CLCA1: variants seen among roughly 807,000 people sequenced by gnomAD.
CLCA1 encodes the protein calcium-activated chloride channel regulator 1.
CLCA1 carries 59 observed loss-of-function variants against 85.6 expected under a neutral mutation model. That is an observed-to-expected ratio of 0.69 (90% CI 0.56 to 0.86). The LOEUF is 0.86. CLCA1 is among the 40% of genes least tolerant of loss of function. The probability of loss-of-function intolerance (pLI) is 0.00; values close to 1 mark genes in which losing one functional copy is unlikely to be tolerated. For synonymous variants in CLCA1, 396 were observed against 398.3 expected, an observed-to-expected ratio of 0.99 and a Z score of 0.07; for missense variants, 1,022 against 1,101.4, an observed-to-expected ratio of 0.93 and a Z score of 1.02.
At chr1:86,469,563 C>T (rs1393115109) in intron 1 of CLCA1, among the ~76,000 whole-genome samples, 3 of 152,136 alleles carry the variant, frequency 2.0e-5, no homozygotes, top group African/African-American at 4.8e-5. Context: ...CTAAAAGGAG[C>T]CCCAGATGCA....
intron 7 of CLCA1, among the ~76,000 whole-genome samples, chr1:86,488,617 C>G (rs1000201057): frequency 2.0e-4 from 30 of 152,242 alleles, no homozygotes; most frequent in Non-Finnish European, 3.4e-4. Flanking sequence ...AATATCCCCC[C>G]AATATAATCC....
rs751206845 is a variant in CLCA1, at chr1:86,498,822, C to A, written c.2353+11C>A. On this transcript the variant is annotated intron_variant, in intron 13 of 13. Coordinates refer to ENST00000394711, the MANE Select transcript of CLCA1 (RefSeq NM_001285.4). ...ATGACCATGGAACAGGTAAGCTGAA[C>A]CTGGTGTGGACCCTGTAAAAGAGTT... The A allele has an allele frequency of 1.9e-6, 3 of 1,611,748 alleles. No homozygotes were observed. Among genetic ancestry groups the A allele is most frequent in the Non-Finnish European group, 2.5e-6 (3 of 1,178,558 alleles).
At chr1:86,477,200 C>A (rs1647697047) in intron 4 of CLCA1, among the ~76,000 whole-genome samples, 1 of 152,166 alleles carries the variant, frequency 6.6e-6, no homozygotes, top group Non-Finnish European at 1.5e-5. Context: ...AAGAGATCCT[C>A]CCACTTCGAC....
intron 1 of CLCA1, among the ~76,000 whole-genome samples, chr1:86,472,161 T>C (rs1228539758): frequency 6.6e-6 from 1 of 152,176 alleles, no homozygotes; most frequent in Non-Finnish European, 1.5e-5. Context: ...CTTCTGAACC[T>C]GTTGTTGTCT....
In CLCA1 at chr1:86,493,504, A is replaced by T. The variant is rs1164099970; in HGVS notation, c.1585A>T (p.Ile529Phe). ...CACCTGGACAATGCAGCCTCCCCAAATCCTTCTCTGGGATCCCAGTGGACA... is the reference window on the plus strand; with the variant it reads ...CACCTGGACAATGCAGCCTCCCCAATTCCTTCTCTGGGATCCCAGTGGACA... The part of the protein sequence containing the change: ...LITWTMQPPQ[I>F]LLWDPSGQKQ... The change falls in exon 10 of 14, where the codon ATC (isoleucine) becomes TTC (phenylalanine). Residue 529 changes from isoleucine to phenylalanine, a missense_variant. Transcript: ENST00000394711. 6.2e-7 allele frequency: 1 copy of T among 1,614,010 alleles called. No individual in the cohort carries two copies. Among genetic ancestry groups the T allele is most frequent in the South Asian group, 1.1e-5 (1 of 91,076 alleles).
chr1:86,495,751 C>A (rs1648267309), intron 12 of CLCA1, 76 bp downstream of exon 12: 3 of 1,303,256 alleles, frequency 2.3e-6, no homozygotes, highest in South Asian at 3.1e-5. Flanking sequence ...GCCTGTGGGG[C>A]AGAATGGTGC....
At chr1:86,493,317 CAG>C in intron 9 of CLCA1, 65 bp from the exon 10 acceptor site, 1 of 1,263,006 alleles carries the variant, frequency 7.9e-7, no homozygotes, top group Non-Finnish European at 1.1e-6. Context: ...GAGACAGGGG[CAG>C]AAGGGAAAAG....
At chr1:86,492,320 G>T (rs1054694374) in intron 9 of CLCA1, among the ~76,000 whole-genome samples, 2 of 152,184 alleles carry the variant, frequency 1.3e-5, no homozygotes, top group African/African-American at 4.8e-5. Context: ...AAATGCAAGG[G>T]CCTGCTTTGG....
intron 1 of CLCA1, 30 bp from the exon 2 acceptor site, chr1:86,473,387 T>C: frequency 6.8e-7 from 1 of 1,474,324 alleles, no homozygotes; most frequent in South Asian, 1.3e-5. Context: ...TTTCAGTCAA[T>C]TGTTACGTAT....
At chr1:86,470,593 C>T (rs532141500) in intron 1 of CLCA1, among the ~76,000 whole-genome samples, 4 of 152,152 alleles carry the variant, frequency 2.6e-5, no homozygotes, top group East Asian at 1.9e-4. Context: ...GTTTTCCTCC[C>T]GAGATACGTA....
chr1:86,485,923 G>T (rs5744366), intron 6 of CLCA1, among the ~76,000 whole-genome samples: 2,073 of 152,082 alleles, frequency 0.014, 36 homozygotes, highest in African/African-American at 0.047. Context: ...AAGGAAAGAG[G>T]TTTAATCAAC....
intron 8 of CLCA1, among the ~76,000 whole-genome samples, chr1:86,490,572 T>G (rs1036933638): frequency 6.6e-6 from 1 of 152,160 alleles, no homozygotes; most frequent in Non-Finnish European, 1.5e-5. Flanking sequence ...ATGTTTCAAA[T>G]AAGAGTAAAT....
chr1:86,491,532 C>T (rs1648134436), intron 9 of CLCA1, among the ~76,000 whole-genome samples, 161 bp downstream of exon 9: 1 of 152,198 alleles, frequency 6.6e-6, no homozygotes, highest in Non-Finnish European at 1.5e-5. Context: ...TAAAATGCAA[C>T]ACTACTCATT....
intron 8 of CLCA1, among the ~76,000 whole-genome samples, chr1:86,490,899 TA>T (rs59948810): frequency 1.9e-4 from 17 of 89,688 alleles, no homozygotes; most frequent in East Asian, 8.9e-4. Context: ...AACCCATCTC[TA>T]AAAAAAAAAA....
chr1:86,479,296 CA>C (rs1248912982), intron 4 of CLCA1, among the ~76,000 whole-genome samples: 2 of 151,906 alleles, frequency 1.3e-5, no homozygotes, highest in African/African-American at 4.8e-5. Context: ...AAAGTAGAAA[CA>C]ATGCTAAGAA....
chr1:86,487,679 C>T (rs772835074), intron 7 of CLCA1, among the ~76,000 whole-genome samples: 8 of 152,138 alleles, frequency 5.3e-5, no homozygotes, highest in Non-Finnish European at 1.0e-4. Context: ...AGTCCTCCTC[C>T]ACTGACTCAG....
At chr1:86,479,746 G>A (rs564059987) in intron 4 of CLCA1, among the ~76,000 whole-genome samples, 12 of 152,188 alleles carry the variant, frequency 7.9e-5, no homozygotes, top group South Asian at 4.1e-4. Context: ...TTAGCCAGGC[G>A]TGGTGGCGGG....
At chr1:86,489,700 A>T (rs2101742819) in intron 8 of CLCA1, among the ~76,000 whole-genome samples, 1 of 152,328 alleles carries the variant, frequency 6.6e-6, no homozygotes, top group East Asian at 1.9e-4. Context: ...ACCTTCACGT[A>T]TTGTGTGTCT....
chr1:86,486,011 G>A (rs944574212), intron 6 of CLCA1, among the ~76,000 whole-genome samples: 1 of 93,840 alleles, frequency 1.1e-5, no homozygotes, highest in Non-Finnish European at 2.2e-5. Flanking sequence ...GTCTTACATG[G>A]CAGCAGGAGA....
Sources: gnomAD v4.1 joint callset for allele counts (sites outside exome capture counted in the v4.1 genomes callset) on GRCh38, gnomAD v4.1.1 for gene constraint, MANE v1.5 for transcripts, NCBI Gene and HGNC (gene_info 2026-07-23, HGNC 2026-07-21) for gene names.